The following TG variants were observed in gnomAD, a reference collection of about 807,000 sequenced individuals.
The protein encoded by TG is thyroid hormones.
TG carries 270 observed loss-of-function variants against 324.7 expected under a neutral mutation model. The ratio of observed to expected loss-of-function variants is 0.83; its 90% confidence interval spans 0.75 to 0.92. The LOEUF (loss-of-function observed/expected upper bound fraction) is 0.92. Ranked by LOEUF, TG falls within the 40% of genes least tolerant of loss-of-function variation. TG has a pLI of 0.00. For synonymous variants in TG, 1,401 were observed against 1,327.0 expected (o/e 1.06, Z -1.21); for missense variants, 3,591 against 3,456.4 (o/e 1.04, Z -0.98).
intron 45 of TG, among the ~76,000 whole-genome samples, chr8:133,127,920 C>T (rs1174629556): frequency 6.6e-6 from 1 of 152,244 alleles, no homozygotes; most frequent in South Asian, 2.1e-4. Flanking sequence ...TTCCTCGCCT[C>T]ATCCACTCAC....
intron 20 of TG, among the ~76,000 whole-genome samples, chr8:132,916,429 C>T (rs1820297292): frequency 6.6e-6 from 1 of 152,196 alleles, no homozygotes; most frequent in South Asian, 2.1e-4. Context: ...AAATCACACC[C>T]TCTCATTTTT....
intron 41 of TG, chr8:133,040,152 C>G: frequency 6.4e-7 from 1 of 1,573,452 alleles, no homozygotes; most frequent in Non-Finnish European, 8.6e-7. Context: ...AGCAGACAGC[C>G]GGTCAGGGAC....
At chr8:132,901,812 C>T (rs1449530279) in intron 16 of TG, among the ~76,000 whole-genome samples, 1 of 152,150 alleles carries the variant, frequency 6.6e-6, no homozygotes, top group Non-Finnish European at 1.5e-5. Flanking sequence ...TGGGGGCTGT[C>T]CTGCCCGGGA....
intron 27 of TG, among the ~76,000 whole-genome samples, chr8:132,960,141 G>A (rs1587582392): frequency 6.6e-6 from 1 of 152,140 alleles, no homozygotes; most frequent in Admixed American, 6.5e-5. Flanking sequence ...CATGGCACAC[G>A]TATACCTATG....
At chr8:133,094,466 T>A (rs545579129) in intron 41 of TG, among the ~76,000 whole-genome samples, 87 of 152,156 alleles carry the variant, frequency 5.7e-4, no homozygotes, top group African/African-American at 1.9e-3. Flanking sequence ...GGTCTCGATC[T>A]CCTGACCTTG....
chr8:132,935,830 T>A lies in TG; in HGVS notation c.5007T>A (p.His1669Gln), dbSNP rs957207158. 1 of 1,612,650 alleles carries A rather than the reference T, an allele frequency of 6.2e-7. No individual in the cohort carries two copies. The highest frequency in any genetic ancestry group is 1.1e-5 in the South Asian group (1 of 91,002). The change falls in exon 25 of 48, where the codon CAT becomes CAA. Residue 1669 changes from histidine to glutamine, a missense_variant. Transcript: ENST00000220616. ...GCTGCCAGGTGAAAGTGAGGAGCCA[T>A]GGTCAAGATTCTCCAGCTGTGTATT... ...SLRCQVKVRS[H>Q]GQDSPAVYLK...
At chr8:132,913,963 G>C (rs1819916991) in intron 20 of TG, among the ~76,000 whole-genome samples, 1 of 152,124 alleles carries the variant, frequency 6.6e-6, no homozygotes, top group African/African-American at 2.4e-5. Context: ...CTTTCTTGAG[G>C]TTGTCTATAT....
chr8:132,933,983 A>G (rs892421855), intron 24 of TG, among the ~76,000 whole-genome samples: 5 of 152,040 alleles, frequency 3.3e-5, no homozygotes, highest in Admixed American at 2.0e-4. Context: ...GGCCCTAAAC[A>G]CCACTGCCCC....
chr8:132,890,351 G>T (rs183028863), intron 10 of TG, among the ~76,000 whole-genome samples: 2,695 of 149,614 alleles, frequency 0.018, 94 homozygotes, highest in Admixed American at 0.096. Context: ...ACCCATTTTT[G>T]GGGGGGGTGC....
intron 35 of TG, among the ~76,000 whole-genome samples, chr8:133,011,149 G>A (rs577721570): frequency 6.6e-6 from 1 of 152,306 alleles, no homozygotes; most frequent in South Asian, 2.1e-4. Flanking sequence ...GAACTTTGAT[G>A]CAAATCAAAT....
chr8:133,038,573 C>T (rs779703265), intron 41 of TG: 1 of 1,614,090 alleles, frequency 6.2e-7, no homozygotes, highest in Non-Finnish European at 8.5e-7. Flanking sequence ...CTTTCTCTTG[C>T]TGCCACCATA....
At chr8:133,115,369 A>G (rs1296424676) in intron 44 of TG, among the ~76,000 whole-genome samples, 1 of 151,980 alleles carries the variant, frequency 6.6e-6, no homozygotes, top group East Asian at 1.9e-4. Flanking sequence ...GATGCTTCCC[A>G]TAGGTTTGAT....
intron 37 of TG, among the ~76,000 whole-genome samples, chr8:133,017,363 A>G (rs1171329707): frequency 6.6e-6 from 1 of 150,998 alleles, no homozygotes; most frequent in Non-Finnish European, 1.5e-5. Flanking sequence ...TCTCAGGATG[A>G]GTAACCCACA....
intron 41 of TG, among the ~76,000 whole-genome samples, chr8:133,082,153 G>T (rs1199245391): frequency 1.3e-5 from 2 of 152,084 alleles, no homozygotes; most frequent in African/African-American, 4.8e-5. Flanking sequence ...GGTGGTGTTG[G>T]GTGTTGTCAG....
At chr8:132,985,862 C>A (rs1363438401) in intron 35 of TG, among the ~76,000 whole-genome samples, 1 of 152,080 alleles carries the variant, frequency 6.6e-6, no homozygotes, top group Non-Finnish European at 1.5e-5. Flanking sequence ...CTGCTGTCTG[C>A]TCCTTGCGTT....
At chr8:132,886,186 C>T (rs575480823) in intron 8 of TG, among the ~76,000 whole-genome samples, 106 of 152,292 alleles carry the variant, frequency 7.0e-4, no homozygotes, top group African/African-American at 2.5e-3. Context: ...ATTTTCAAGA[C>T]TTGCCTTAGA....
chr8:133,128,221 C>G (rs1395901826), intron 45 of TG, among the ~76,000 whole-genome samples: 5 of 152,076 alleles, frequency 3.3e-5, no homozygotes, highest in African/African-American at 1.2e-4. Context: ...GGACAGTGCA[C>G]AGCAGGCATT....
intron 21 of TG, among the ~76,000 whole-genome samples, chr8:132,920,590 A>C (rs1329937964): frequency 6.6e-6 from 1 of 152,192 alleles, no homozygotes; most frequent in Non-Finnish European, 1.5e-5. Flanking sequence ...GAGTACTTGT[A>C]GTTTGAGATG....
At chr8:132,873,027 A>C in intron 4 of TG, 35 bp from the exon 5 acceptor site, 1 of 1,612,944 alleles carries the variant, frequency 6.2e-7, no homozygotes, top group South Asian at 1.1e-5. Flanking sequence ...GTGTCTACTC[A>C]TATATAAGGA....
Sources: gnomAD v4.1 joint callset for allele counts (sites outside exome capture counted in the v4.1 genomes callset) on GRCh38, gnomAD v4.1.1 for gene constraint, MANE v1.5 for transcripts, NCBI Gene and HGNC (gene_info 2026-07-23, HGNC 2026-07-21) for gene names.